The following MAP2 variants were observed in gnomAD, a reference collection of about 807,000 sequenced individuals.
MAP2 encodes the protein microtubule-associated protein 2.
Under a neutral mutation model 137.6 loss-of-function variants are expected in MAP2, and 14 were observed. The ratio of observed to expected loss-of-function variants is 0.10; its 90% CI spans 0.07 to 0.16. The LOEUF (loss-of-function observed/expected upper bound fraction) is 0.16, where lower values mean the gene tolerates loss of function less well. MAP2 is among the 10% of genes least tolerant of loss of function. The pLI is 1.00. For missense variants in MAP2, 2,088 were observed against 2,191.5 expected (o/e 0.95, Z 0.94); for synonymous variants, 786 against 782.3 (o/e 1.00, Z -0.08).
chr2:209,694,471 A>G lies in MAP2; in HGVS notation c.2301A>G (p.Glu767=). Reference sequence around the variant, plus strand: ...TCCCTGTAGAAAGCAAAGAGGAAGAACAGATAGAGAAAGTAAAAGCTACTG... The same window carrying G: ...TCCCTGTAGAAAGCAAAGAGGAAGAGCAGATAGAGAAAGTAAAAGCTACTG... The part of the protein sequence containing the change: ...PCFPVESKEE[E]QIEKVKATGE... Residue 767 remains glutamate, a synonymous_variant, in exon 8 of 16, where the codon GAA becomes GAG. Coordinates refer to ENST00000682079, the MANE Select transcript of MAP2 (RefSeq NM_001375505.1). 1 of 1,614,118 alleles carries G rather than the reference A, an allele frequency of 6.2e-7. No homozygotes were observed. The highest frequency in any genetic ancestry group is 8.5e-7 in the Non-Finnish European group (1 of 1,179,984).
At chr2:209,540,007 A>T (rs2066637968) in intron 2 of MAP2, among the ~76,000 whole-genome samples, 1 of 143,880 alleles carries the variant, frequency 7.0e-6, no homozygotes, top group South Asian at 2.3e-4. Context: ...AGGCCAAGGC[A>T]GGAGGGTTGT....
At chr2:209,544,218 G>T (rs967887373) in intron 2 of MAP2, among the ~76,000 whole-genome samples, 7 of 151,916 alleles carry the variant, frequency 4.6e-5, no homozygotes, top group Admixed American at 3.3e-4. Context: ...GGGTGACAGA[G>T]TGAGACTCTG....
intron 3 of MAP2, among the ~76,000 whole-genome samples, chr2:209,587,018 C>T (rs943935280): frequency 6.6e-6 from 1 of 152,170 alleles, no homozygotes; most frequent in Non-Finnish European, 1.5e-5. Context: ...GAGCTACTGG[C>T]ATTCCATTCT....
chr2:209,435,937 A>AT (rs1559158991), intron 1 of MAP2, among the ~76,000 whole-genome samples: 1 of 143,228 alleles, frequency 7.0e-6, no homozygotes, highest in East Asian at 2.0e-4. Flanking sequence ...TATTATATAT[A>AT]TAATATATAC....
chr2:209,534,255 G>A (rs988270361), intron 2 of MAP2, among the ~76,000 whole-genome samples: 2 of 152,236 alleles, frequency 1.3e-5, no homozygotes, highest in African/African-American at 4.8e-5. Flanking sequence ...CTTACAACAA[G>A]TTGGTTACTG....
At chr2:209,544,872 T>G (rs1025160626) in intron 2 of MAP2, among the ~76,000 whole-genome samples, 12 of 152,214 alleles carry the variant, frequency 7.9e-5, no homozygotes, top group Non-Finnish European at 1.5e-4. Context: ...CAGCAAGTAC[T>G]TGATTACTCT....
At chr2:209,718,066 G>A (rs2068491431) in intron 13 of MAP2, among the ~76,000 whole-genome samples, 1 of 152,146 alleles carries the variant, frequency 6.6e-6, no homozygotes, top group African/African-American at 2.4e-5. Flanking sequence ...TTATATCAGA[G>A]TGAAAGCTAC....
intron 6 of MAP2, among the ~76,000 whole-genome samples, chr2:209,679,512 A>G (rs2053600327): frequency 2.1e-5 from 3 of 146,000 alleles, no homozygotes; most frequent in Admixed American, 6.6e-5. Context: ...CGTGAGTCAT[A>G]GAAAGGTGTG....
intron 4 of MAP2, among the ~76,000 whole-genome samples, chr2:209,631,805 G>T (rs2093084270): frequency 6.6e-6 from 1 of 152,054 alleles, no homozygotes; most frequent in South Asian, 2.1e-4. Context: ...GTTCTATAAA[G>T]CATGAGAAAT....
At chr2:209,540,630 C>CAAAAAAAAAAAAAAAAAAAAA (rs749183996) in intron 2 of MAP2, among the ~76,000 whole-genome samples, 1 of 27,590 alleles carries the variant, frequency 3.6e-5, no homozygotes, top group African/African-American at 1.4e-4. Context: ...GACTCCGTCT[C>CAAAAAAAAAAAAAAAAAAAAA]AAAAAAAAAA....
intron 5 of MAP2, among the ~76,000 whole-genome samples, chr2:209,657,540 A>T (rs1489483387): frequency 6.6e-6 from 1 of 150,998 alleles, no homozygotes; most frequent in African/African-American, 2.4e-5. Flanking sequence ...GATGTTGAGC[A>T]TTTTTTTTCA....
At chr2:209,649,471 T>G (rs923086897) in intron 4 of MAP2, among the ~76,000 whole-genome samples, 1 of 152,196 alleles carries the variant, frequency 6.6e-6, no homozygotes, top group South Asian at 2.1e-4. Context: ...GACCCCAAAA[T>G]TTTGATTAGA....
At chr2:209,566,243 G>A (rs752918091) in intron 2 of MAP2, among the ~76,000 whole-genome samples, 2 of 152,122 alleles carry the variant, frequency 1.3e-5, no homozygotes, top group South Asian at 4.1e-4. Context: ...CCTCTGTCAC[G>A]GACTTGCTGT....
intron 1 of MAP2, among the ~76,000 whole-genome samples, chr2:209,454,312 A>G (rs1002963175): frequency 6.6e-6 from 1 of 152,048 alleles, no homozygotes; most frequent in Admixed American, 6.6e-5. Context: ...TATGTTAGGA[A>G]ATCATCAATA....
intron 3 of MAP2, among the ~76,000 whole-genome samples, chr2:209,584,060 T>A (rs1231826588): frequency 1.3e-5 from 2 of 152,152 alleles, no homozygotes; most frequent in African/African-American, 4.8e-5. Context: ...TTGCTTAAGA[T>A]AATGGATCCA....
chr2:209,537,286 A>G (rs947350488), intron 2 of MAP2, among the ~76,000 whole-genome samples: 3 of 152,184 alleles, frequency 2.0e-5, no homozygotes, highest in African/African-American at 7.2e-5. Flanking sequence ...AATTATTTTG[A>G]GACCCCCAAA....
At chr2:209,709,000 G>A (rs75239429) in intron 12 of MAP2, among the ~76,000 whole-genome samples, 2,494 of 152,146 alleles carry the variant, frequency 0.016, 67 homozygotes, top group African/African-American at 0.057. Flanking sequence ...ATTCTTTCAG[G>A]AAAGTATTTG....
chr2:209,437,250 C>T (rs1696552376), intron 1 of MAP2, among the ~76,000 whole-genome samples: 2 of 151,616 alleles, frequency 1.3e-5, no homozygotes, highest in African/African-American at 4.8e-5. Context: ...GTCTTTTAAA[C>T]AGTTTTTCAA....
chr2:209,731,782 G>GA lies in MAP2; in HGVS notation c.*1391dup, dbSNP rs1227381136. ...AAAGTAAAGATCCCCTGATCAGAAA[G>GA]AAAAAATACAATACTTTGGGAAGCT... On this transcript the variant is annotated 3_prime_UTR_variant, in exon 16 of 16. Transcript: ENST00000682079. 2.6e-5 allele frequency: 4 copies of GA among 151,894 alleles called. No homozygotes were observed. Among genetic ancestry groups the GA allele is most frequent in the Non-Finnish European group, 4.4e-5 (3 of 67,940 alleles). The allele number at this position is 151,894 out of a possible 1,614,324, so 9.4% of individuals were successfully genotyped here.
Sources: allele counts gnomAD v4.1 joint callset (sites outside exome capture counted in the v4.1 genomes callset), GRCh38; gene constraint gnomAD v4.1.1; transcripts MANE v1.5; gene names NCBI Gene and HGNC (gene_info 2026-07-23, HGNC 2026-07-21).